Variants in SCRN1 observed in about 807,000 individuals in gnomAD.
The protein encoded by SCRN1 is secernin 1.
Under a neutral mutation model 43.3 loss-of-function variants are expected in SCRN1, and 19 were observed. The observed-to-expected ratio is 0.44, with a 90% CI of 0.31 to 0.64. The LOEUF is 0.64. Among genes scored for constraint, SCRN1 ranks in the 30% least tolerant of loss-of-function variants. The pLI, the probability that SCRN1 is intolerant of heterozygous loss-of-function variation, is 0.09. For missense variants in SCRN1, 447 were observed against 524.1 expected (o/e 0.85, Z 1.44); for synonymous variants, 183 against 188.9 (o/e 0.97, Z 0.26).
chr7:29,987,527 T>C (rs1197745085), intron 1 of SCRN1, among the ~76,000 whole-genome samples: 3 of 152,204 alleles, frequency 2.0e-5, no homozygotes, highest in Non-Finnish European at 4.4e-5. Context: ...TTTACTAAAA[T>C]AATGTTTTTG....
intron 2 of SCRN1, among the ~76,000 whole-genome samples, chr7:29,968,142 A>T (rs1788555705): frequency 6.6e-6 from 1 of 152,200 alleles, no homozygotes; most frequent in South Asian, 2.1e-4. Flanking sequence ...AAATATATAA[A>T]CTGAGACCAG....
intron 3 of SCRN1, chr7:29,947,284 A>C (rs949090850): frequency 6.4e-7 from 1 of 1,550,702 alleles, no homozygotes; most frequent in African/African-American, 1.4e-5. Context: ...CAGGTATGTC[A>C]AGCTCACCCT....
At position 29,929,695 on chromosome 7, in the gene SCRN1, C is replaced by T. The variant is rs562969856; in HGVS notation, c.906-3063G>A. ...TGACCCACTGTGGGTCCATGTTTTC[C>T]CTCTCTGGCTCTCATCTGACTACAG... is the stretch of plus-strand genomic sequence containing the variant. On this transcript the variant is annotated intron_variant, in intron 6 of 7. Transcript: ENST00000242059. Among the ~76,000 whole-genome samples the T allele has an allele frequency of 2.4e-4, 36 of 152,328 alleles. No homozygotes were observed. In the South Asian group the frequency reaches 6.0e-3, roughly 25 times the overall value.
At chr7:29,947,300 T>C (rs905355701) in intron 3 of SCRN1, 2 of 1,550,682 alleles carry the variant, frequency 1.3e-6, no homozygotes, top group South Asian at 1.2e-5. Context: ...ACCCTGCCCG[T>C]TCCTGAAAAG....
chr7:29,960,631 A>T (rs1583680322), intron 2 of SCRN1, among the ~76,000 whole-genome samples: 1 of 152,214 alleles, frequency 6.6e-6, no homozygotes, highest in East Asian at 1.9e-4. Flanking sequence ...CTAATGTTGG[A>T]TCCATTTTTT....
intron 3 of SCRN1, among the ~76,000 whole-genome samples, chr7:29,945,129 G>A (rs1787692898): frequency 6.6e-6 from 1 of 152,078 alleles, no homozygotes; most frequent in Admixed American, 6.5e-5. Context: ...TATTGGTATG[G>A]CTTACAGCTT....
chr7:29,990,012 C>T, upstream of SCRN1: 2 of 1,436,916 alleles, frequency 1.4e-6, no homozygotes, highest in Non-Finnish European at 9.1e-7. Flanking sequence ...CAGAAAGTGG[C>T]CCCCTCTTTG....
At chr7:29,989,563 G>A (rs942032447) in intron 1 of SCRN1, 79 bp downstream of exon 1, 42 of 985,518 alleles carry the variant, frequency 4.3e-5, no homozygotes, top group Non-Finnish European at 5.1e-5. Flanking sequence ...ATGAAACGCA[G>A]GAGGTGGCGA....
intron 1 of SCRN1, among the ~76,000 whole-genome samples, chr7:29,980,752 G>A (rs1438226843): frequency 6.6e-6 from 1 of 152,110 alleles, no homozygotes; most frequent in Admixed American, 6.5e-5. Context: ...AGAGCTACTT[G>A]TTGTGTTTTA....
At chr7:29,943,841 C>CA (rs942524530) in intron 4 of SCRN1, 136 bp downstream of exon 4, 4 of 791,294 alleles carry the variant, frequency 5.1e-6, no homozygotes, top group Non-Finnish European at 8.3e-6. Context: ...AGAGGCATGC[C>CA]AAAGCATGAC....
intron 3 of SCRN1, among the ~76,000 whole-genome samples, chr7:29,944,677 A>AAAAAAG (rs1554356503): frequency 2.7e-5 from 4 of 150,672 alleles, no homozygotes; most frequent in East Asian, 3.9e-4. Context: ...AAAAAAAAAA[A>AAAAAAG]AAAGAAAGAA....
At position 29,944,183 on chromosome 7, in the gene SCRN1, C is replaced by T. The variant is rs1305499303; in HGVS notation, c.342-4G>A. The T allele has an allele frequency of 1.9e-6, 3 of 1,613,836 alleles. No individual in the cohort carries two copies. The highest frequency in any genetic ancestry group is 2.5e-6 in the Non-Finnish European group (3 of 1,179,824). On this transcript the variant is annotated splice_region_variant and splice_polypyrimidine_tract_variant and intron_variant, in intron 3 of 7. Coordinates refer to ENST00000242059, the MANE Select transcript of SCRN1 (RefSeq NM_014766.5). ...TTCCCCTCTTTCTAAACCAAGCCTG[C>T]AGGAAGGAAACCAGAACCATACTTC...
chr7:29,936,479 G>C, intron 6 of SCRN1, 77 bp downstream of exon 6: 1 of 1,321,446 alleles, frequency 7.6e-7, no homozygotes, highest in Non-Finnish European at 1.0e-6. Context: ...ATGGTCAGGC[G>C]CTTACTACGC....
rs201351868 is a variant in SCRN1 at position 29,955,263 on chromosome 7, T to A, written c.257A>T (p.His86Leu). The change falls in exon 3 of 8, where the codon CAT becomes CTT. Residue 86 changes from histidine (H) to leucine (L), a missense_variant. His to Leu is a moderately conservative substitution (Grantham distance 99, BLOSUM62 -3). Coordinates refer to ENST00000242059, the MANE Select transcript of SCRN1 (RefSeq NM_014766.5). ...LWGAEMGANE[H>L]GVCIANEAIN... ...GGCTTCATTGGCTATGCACACTCCA[T>A]GTTCATTGGCTCCCATTTCTGCTCC... is the stretch of plus-strand genomic sequence containing the variant. 3.5e-5 allele frequency: 56 copies of A among 1,614,192 alleles called. No individual in the cohort carries two copies. The highest frequency in any genetic ancestry group is 5.9e-6 in the Non-Finnish European group (7 of 1,180,044).
chr7:29,970,076 C>A, intron 1 of SCRN1: 1 of 326,260 alleles, frequency 3.1e-6, no homozygotes, highest in Admixed American at 3.8e-5. Context: ...GGAGGGGTTG[C>A]TCCAAAACCT....
chr7:29,963,060 A>T (rs866844347), intron 2 of SCRN1, among the ~76,000 whole-genome samples: 3 of 152,044 alleles, frequency 2.0e-5, no homozygotes, highest in African/African-American at 7.2e-5. Flanking sequence ...AAAAAAAAAA[A>T]TCCTTCTTCA....
At chr7:29,985,674 T>G (rs1395400297) in intron 1 of SCRN1, among the ~76,000 whole-genome samples, 1 of 152,176 alleles carries the variant, frequency 6.6e-6, no homozygotes, top group East Asian at 1.9e-4. Context: ...CCCACCACCA[T>G]AGACCCTGAC....
At chr7:29,937,276 C>T (rs1351952891) in intron 5 of SCRN1, among the ~76,000 whole-genome samples, 1 of 152,142 alleles carries the variant, frequency 6.6e-6, no homozygotes, top group African/African-American at 2.4e-5. Flanking sequence ...GTGTGCAATT[C>T]CTCATCACAT....
intron 2 of SCRN1, among the ~76,000 whole-genome samples, chr7:29,962,992 C>T (rs1465327): frequency 0.3 from 44,937 of 151,110 alleles, 7,075 homozygotes; most frequent in African/African-American, 0.41. Flanking sequence ...GTGCCAAAGA[C>T]AGTTTTGGAA....
Sources: allele counts gnomAD v4.1 joint callset (sites outside exome capture counted in the v4.1 genomes callset), GRCh38; gene constraint gnomAD v4.1.1; transcripts MANE v1.5; gene names NCBI Gene and HGNC (gene_info 2026-07-23, HGNC 2026-07-21).